DMXL2: variants seen among roughly 807,000 people sequenced by gnomAD.
The protein encoded by DMXL2 is dmX-like protein 2.
Under a neutral mutation model 331.1 loss-of-function variants are expected in DMXL2, and 103 were observed. The observed-to-expected ratio is 0.31, with a 90% CI of 0.27 to 0.37. The LOEUF is 0.37. Among genes scored for constraint, DMXL2 ranks in the 10% least tolerant of loss-of-function variants. DMXL2 has a pLI of 1.00. For missense variants in DMXL2, 3,171 were observed against 3,642.9 expected (o/e 0.87, Z 3.33); for synonymous variants, 1,281 against 1,252.1 (o/e 1.02, Z -0.49).
intron 19 of DMXL2, among the ~76,000 whole-genome samples, chr15:51,494,211 T>C (rs1299123106): frequency 6.6e-6 from 1 of 152,148 alleles, no homozygotes; most frequent in Non-Finnish European, 1.5e-5. Context: ...AGATGAAATA[T>C]AGTTTAGACA....
At chr15:51,478,198 GA>G in intron 26 of DMXL2, 72 bp downstream of exon 26, 1 of 1,270,540 alleles carries the variant, frequency 7.9e-7, no homozygotes, top group Non-Finnish European at 1.1e-6. Context: ...CTAGGAAATA[GA>G]AACTTAATAT....
chr15:51,571,129 T>C (rs1416894656), intron 2 of DMXL2, among the ~76,000 whole-genome samples: 1 of 152,114 alleles, frequency 6.6e-6, no homozygotes, highest in Non-Finnish European at 1.5e-5. Flanking sequence ...AAGCAGGGGT[T>C]GCAATCATAG....
At chr15:51,473,526 C>T (rs1443834426) in intron 28 of DMXL2, among the ~76,000 whole-genome samples, 1 of 152,184 alleles carries the variant, frequency 6.6e-6, no homozygotes, top group African/African-American at 2.4e-5. Flanking sequence ...AAGATCATCT[C>T]CCTTACAATG....
intron 1 of DMXL2, among the ~76,000 whole-genome samples, chr15:51,589,745 T>C (rs771233431): frequency 2.0e-5 from 3 of 152,236 alleles, no homozygotes; most frequent in Non-Finnish European, 4.4e-5. Context: ...TAGAGTATGG[T>C]ACAGCATCAA....
At chr15:51,606,166 G>T (rs1444638877) in intron 1 of DMXL2, among the ~76,000 whole-genome samples, 2 of 152,184 alleles carry the variant, frequency 1.3e-5, no homozygotes, top group South Asian at 2.1e-4. Flanking sequence ...TAGAGACCTA[G>T]AATTAAACCA....
intron 13 of DMXL2, among the ~76,000 whole-genome samples, chr15:51,529,815 A>G (rs1424517498): frequency 6.6e-6 from 1 of 152,186 alleles, no homozygotes. Context: ...AAAGAACACT[A>G]CAGGTCAATA....
chr15:51,568,927 T>C (rs2050472049), intron 2 of DMXL2, among the ~76,000 whole-genome samples: 1 of 152,068 alleles, frequency 6.6e-6, no homozygotes, highest in South Asian at 2.1e-4. Flanking sequence ...TCACTGGGAC[T>C]GGCTGGACAG....
intron 37 of DMXL2, 32 bp downstream of exon 37, chr15:51,457,296 C>A (rs370445890): frequency 4.4e-6 from 7 of 1,599,702 alleles, no homozygotes; most frequent in Non-Finnish European, 6.0e-6. Context: ...GAGTCCAAAT[C>A]CAGAAATGAT....
intron 26 of DMXL2, 83 bp downstream of exon 26, chr15:51,478,188 C>A: frequency 8.8e-7 from 1 of 1,134,134 alleles, no homozygotes. Context: ...TTTTCAGTCC[C>A]TAGGAAATAG....
At chr15:51,515,254 G>A (rs2046971608) in intron 14 of DMXL2, among the ~76,000 whole-genome samples, 1 of 152,038 alleles carries the variant, frequency 6.6e-6, no homozygotes, top group Non-Finnish European at 1.5e-5. Context: ...TTCAAGGAAA[G>A]GCTAGATCCA....
chr15:51,485,878 T>C (rs753549904), intron 23 of DMXL2, among the ~76,000 whole-genome samples, 195 bp downstream of exon 23: 1 of 152,188 alleles, frequency 6.6e-6, no homozygotes, highest in African/African-American at 2.4e-5. Context: ...TTTTGTATGC[T>C]TGTTAAATAT....
chr15:51,614,242 A>C (rs2054151698), intron 1 of DMXL2, among the ~76,000 whole-genome samples: 1 of 152,182 alleles, frequency 6.6e-6, no homozygotes, highest in Non-Finnish European at 1.5e-5. Flanking sequence ...TGACACATAG[A>C]TCTTGGACTT....
intron 40 of DMXL2, among the ~76,000 whole-genome samples, chr15:51,454,533 G>A (rs934924183): frequency 2.6e-5 from 4 of 152,106 alleles, no homozygotes; most frequent in Non-Finnish European, 5.9e-5. Context: ...GTCTCACTCT[G>A]TTGCCCAAGC....
chr15:51,521,470 G>GATAGTA (rs1430786515), intron 13 of DMXL2, among the ~76,000 whole-genome samples: 1 of 148,958 alleles, frequency 6.7e-6, no homozygotes, highest in East Asian at 2.0e-4. Flanking sequence ...TAGTGGTAGT[G>GATAGTA]GTAGTAGTAG....
At chr15:51,595,258 G>C (rs916862409) in intron 1 of DMXL2, among the ~76,000 whole-genome samples, 16 of 152,188 alleles carry the variant, frequency 1.1e-4, no homozygotes, top group Non-Finnish European at 1.8e-4. Context: ...AAAATCACAA[G>C]CATTCTTATA....
chr15:51,465,701 G>T (rs748959642), intron 30 of DMXL2, 50 bp from the exon 31 acceptor site: 1 of 1,337,382 alleles, frequency 7.5e-7, no homozygotes, highest in African/African-American at 1.5e-5. Context: ...TAAAATCATG[G>T]GAGAAACAGA....
At chr15:51,485,224 G>A (rs1052872132) in intron 23 of DMXL2, among the ~76,000 whole-genome samples, 4 of 152,174 alleles carry the variant, frequency 2.6e-5, no homozygotes, top group Non-Finnish European at 4.4e-5. Context: ...TCTTGGGAAA[G>A]AGATAGGCAT....
At chr15:51,515,281 G>T (rs1304152494) in intron 14 of DMXL2, among the ~76,000 whole-genome samples, 2 of 152,190 alleles carry the variant, frequency 1.3e-5, no homozygotes, top group East Asian at 1.9e-4. Context: ...AGCTTATTTT[G>T]GAAGTGTATT....
intron 9 of DMXL2, among the ~76,000 whole-genome samples, chr15:51,539,263 T>A (rs1344047249): frequency 6.6e-6 from 1 of 151,550 alleles, no homozygotes; most frequent in South Asian, 2.1e-4. Context: ...TTCATACACA[T>A]ACACACAGAG....
Sources: allele counts gnomAD v4.1 joint callset (sites outside exome capture counted in the v4.1 genomes callset), GRCh38; gene constraint gnomAD v4.1.1; transcripts MANE v1.5; gene names NCBI Gene and HGNC (gene_info 2026-07-23, HGNC 2026-07-21).